CDH18: variants seen among roughly 807,000 people sequenced by gnomAD.
CDH18 encodes the protein cadherin 18.
A neutral mutation model predicts 67.9 loss-of-function variants in CDH18; 31 were observed. The ratio of observed to expected loss-of-function variants is 0.46; its 90% CI spans 0.34 to 0.62. The LOEUF (loss-of-function observed/expected upper bound fraction) is 0.62, where lower values mean the gene tolerates loss of function less well. CDH18 is among the 20% of genes least tolerant of loss of function. The pLI, the probability that CDH18 is intolerant of heterozygous loss-of-function variation, is 0.01. For synonymous variants in CDH18, 362 were observed against 347.2 expected (o/e 1.04, Z -0.48); for missense variants, 890 against 975.5 (o/e 0.91, Z 1.17).
intron 1 of CDH18, among the ~76,000 whole-genome samples, chr5:20,378,874 T>C (rs544624054): frequency 6.6e-6 from 1 of 152,094 alleles, no homozygotes; most frequent in Admixed American, 6.5e-5. Flanking sequence ...GCAATAACTT[T>C]GCAATACACA....
intron 1 of CDH18, among the ~76,000 whole-genome samples, chr5:20,538,901 T>TTTTG (rs1561108744): frequency 6.9e-5 from 9 of 130,662 alleles, no homozygotes; most frequent in South Asian, 2.7e-4. Flanking sequence ...GCCAACTGTT[T>TTTTG]TTTTTTTGTT....
chr5:19,836,716 T>C (rs1463496922), intron 3 of CDH18, among the ~76,000 whole-genome samples: 1 of 152,174 alleles, frequency 6.6e-6, no homozygotes. Context: ...CCATTGCTTT[T>C]TGTGTTTTAG....
intron 1 of CDH18, among the ~76,000 whole-genome samples, chr5:20,406,979 C>A (rs2150137644): frequency 6.6e-6 from 1 of 152,236 alleles, no homozygotes; most frequent in Non-Finnish European, 1.5e-5. Flanking sequence ...TCAACCTCTT[C>A]CTAGGAAAAG....
At chr5:19,893,630 G>T (rs1579464009) in intron 2 of CDH18, among the ~76,000 whole-genome samples, 1 of 129,554 alleles carries the variant, frequency 7.7e-6, no homozygotes, top group South Asian at 2.6e-4. Flanking sequence ...CATTACAACA[G>T]ATTCAGGGGG....
At chr5:20,010,251 T>A (rs111299630) in intron 2 of CDH18, among the ~76,000 whole-genome samples, 10,746 of 151,876 alleles carry the variant, frequency 0.071, 415 homozygotes, top group East Asian at 0.14. Context: ...TAATTTTTTT[T>A]AATTTTTTTG....
At chr5:20,100,665 T>C (rs556257109) in intron 2 of CDH18, among the ~76,000 whole-genome samples, 2 of 152,284 alleles carry the variant, frequency 1.3e-5, no homozygotes, top group South Asian at 4.1e-4. Context: ...GTTGAGTGTA[T>C]TACCTATACA....
intron 1 of CDH18, among the ~76,000 whole-genome samples, chr5:20,533,558 G>C (rs1367856556): frequency 6.6e-6 from 1 of 152,042 alleles, no homozygotes; most frequent in Admixed American, 6.6e-5. Context: ...AAAGTGAATA[G>C]AAGGAATAAA....
chr5:20,005,056 T>C (rs1736778761), intron 2 of CDH18, among the ~76,000 whole-genome samples: 1 of 152,146 alleles, frequency 6.6e-6, no homozygotes, highest in East Asian at 1.9e-4. Context: ...TCTTCATCAC[T>C]GAAATAACCA....
At position 20,544,242 on chromosome 5, in the gene CDH18, G is replaced by A. The variant is rs558622888; in HGVS notation, c.-580+31220C>T. Among the ~76,000 whole-genome samples, 11 of 152,156 alleles carry A rather than the reference G, an allele frequency of 7.2e-5. No individual in the cohort carries two copies. In the South Asian group the frequency reaches 2.1e-3, roughly 29 times the overall value. On this transcript the variant is annotated intron_variant, in intron 1 of 14. Coordinates refer to the CDH18 transcript ENST00000507958. The stretch of plus-strand genomic sequence containing the variant: ...ATATTCACAAGCATACCTCACAGAT[G>A]GGGAAGATTGCATGCATGTGGGTTA...
intron 1 of CDH18, among the ~76,000 whole-genome samples, chr5:20,360,904 T>C (rs765538475): frequency 6.6e-6 from 1 of 152,056 alleles, no homozygotes; most frequent in Non-Finnish European, 1.5e-5. Flanking sequence ...AAATTTCAAA[T>C]CGAAGATATA....
chr5:20,537,582 C>T (rs897166674), intron 1 of CDH18, among the ~76,000 whole-genome samples: 1 of 152,006 alleles, frequency 6.6e-6, no homozygotes, highest in African/African-American at 2.4e-5. Context: ...AGACTCACAG[C>T]TGCAACTTTA....
intron 2 of CDH18, among the ~76,000 whole-genome samples, chr5:19,994,851 TATATAG>T (rs1475395768): frequency 5.1e-5 from 2 of 39,200 alleles, no homozygotes; most frequent in Non-Finnish European, 8.6e-5. Flanking sequence ...TATATATATA[TATATAG>T]AGAGAGAGAG....
intron 1 of CDH18, among the ~76,000 whole-genome samples, chr5:20,484,981 T>C (rs1753071672): frequency 6.6e-6 from 1 of 152,008 alleles, no homozygotes; most frequent in African/African-American, 2.4e-5. Flanking sequence ...ATTCTTGAGG[T>C]GATTGATAAA....
chr5:19,912,253 C>T (rs1005263495), intron 2 of CDH18, among the ~76,000 whole-genome samples: 2 of 151,762 alleles, frequency 1.3e-5, no homozygotes, highest in African/African-American at 4.8e-5. Context: ...GAGGAAGGGG[C>T]TAAGGAAGAG....
chr5:20,470,862 A>G (rs1277104555), intron 1 of CDH18, among the ~76,000 whole-genome samples: 1 of 152,192 alleles, frequency 6.6e-6, no homozygotes, highest in Non-Finnish European at 1.5e-5. Context: ...TTCCTGCTCA[A>G]GAACATCACT....
chr5:20,163,972 T>C (rs1307980295), intron 2 of CDH18, among the ~76,000 whole-genome samples: 2 of 152,246 alleles, frequency 1.3e-5, no homozygotes, highest in East Asian at 3.9e-4. Context: ...AAAAATAAAA[T>C]TTATAGAATA....
intron 1 of CDH18, among the ~76,000 whole-genome samples, chr5:20,391,985 C>G (rs1333273503): frequency 6.6e-6 from 1 of 151,818 alleles, no homozygotes. Context: ...AAGCAAAATA[C>G]TATTAATATA....
intron 2 of CDH18, among the ~76,000 whole-genome samples, chr5:20,050,306 T>C (rs1741304786): frequency 6.6e-6 from 1 of 151,874 alleles, no homozygotes; most frequent in Non-Finnish European, 1.5e-5. Flanking sequence ...TGTAGCCAAA[T>C]AGATGTGACA....
rs761935454 is a variant in CDH18 at position 19,571,631 on chromosome 5, C to T, written c.1201G>A (p.Val401Ile). Residue 401 changes from valine to isoleucine, a missense_variant, in exon 8 of 13, where the codon GTC becomes ATC. Physicochemically the swap from Val to Ile is conservative, Grantham distance 29 (BLOSUM62 3). Around this residue, in one of 2 missense-constraint regions of CDH18, gnomAD observed 656 missense variants for 668.1 expected, o/e 0.98. Coordinates refer to ENST00000382275, the MANE Select transcript of CDH18 (RefSeq NM_004934.5). The part of the protein sequence containing the change: ...EVYENAKIGT[V>I]VGTVLAQDPD... ...TCTTGTGCCAAAACTGTACCAACGA[C>T]GGTCCCAATCTTGGCATTTTCGTAG... 52 of 1,613,688 alleles carry T rather than the reference C, an allele frequency of 3.2e-5. 2 individuals are homozygous for T. The highest frequency in any genetic ancestry group is 1.1e-4 in the South Asian group (10 of 91,074).
Sources: gnomAD v4.1 joint callset for allele counts (sites outside exome capture counted in the v4.1 genomes callset) on GRCh38, gnomAD v4.1.1 for gene constraint, gnomAD v4.1.1 regional missense constraint, MANE v1.5 for transcripts, NCBI Gene and HGNC (gene_info 2026-07-23, HGNC 2026-07-21) for gene names.